The following RIIAD1 variants were observed in gnomAD, a reference collection of about 807,000 sequenced individuals.
RIIAD1 encodes the protein regulatory subunit of type II PKA R-subunit domain containing 1, also known as RIIa domain-containing protein 1.
In RIIAD1, 15 loss-of-function variants were observed where a neutral mutation model predicts 13.3. The observed-to-expected ratio is 1.13, with a 90% CI of 0.76 to 1.74. RIIAD1 has a LOEUF of 1.74. Among genes scored for constraint, RIIAD1 ranks in the 40% most tolerant of loss-of-function variants. The pLI is 0.00. For missense variants in RIIAD1, 121 were observed against 112.2 expected (o/e 1.08, Z -0.35); for synonymous variants, 50 against 43.3 (o/e 1.16, Z -0.61).
intron 4 of RIIAD1, chr1:151,715,909 C>G: frequency 6.2e-7 from 1 of 1,614,106 alleles, no homozygotes; most frequent in Non-Finnish European, 8.5e-7. Flanking sequence ...TCCTTGATGA[C>G]AGTCAGCTCA....
At chr1:151,727,259 C>CAAAT (rs1673847284) in intron 2 of RIIAD1, among the ~76,000 whole-genome samples, 1 of 152,122 alleles carries the variant, frequency 6.6e-6, no homozygotes, top group Admixed American at 6.6e-5. Flanking sequence ...GACGCTGTCT[C>CAAAT]AAATAAATAA....
rs754058008 is a variant in RIIAD1, at chr1:151,715,940, G to A, written c.21+1411G>A. 54 of 1,614,038 alleles carry A rather than the reference G, an allele frequency of 3.3e-5. No individual in the cohort carries two copies. The African/African-American group carries it at 4.1e-4, about 12-fold the overall frequency. ...GCTCAAAGATCCGACCAAACTGTTC[G>A]AAGATGGGCTTCAGGTCCTTCTCCT... is the stretch of plus-strand genomic sequence containing the variant. On this transcript the variant is annotated intron_variant, in intron 4 of 8. Coordinates refer to the RIIAD1 transcript ENST00000326413.
At chr1:151,718,389 C>A (rs1413136238), upstream of RIIAD1, among the ~76,000 whole-genome samples, 1 of 152,210 alleles carries the variant, frequency 6.6e-6, no homozygotes, top group African/African-American at 2.4e-5. Flanking sequence ...GAGACTGGAG[C>A]CTGGGCAGTC....
intron 2 of RIIAD1, among the ~76,000 whole-genome samples, chr1:151,723,147 C>T (rs1263299962): frequency 6.6e-6 from 1 of 152,230 alleles, no homozygotes. Context: ...GTAATCCCAG[C>T]ACTTTGGGAG....
upstream of RIIAD1, among the ~76,000 whole-genome samples, chr1:151,718,107 T>G (rs890860561): frequency 6.6e-6 from 1 of 152,182 alleles, no homozygotes; most frequent in African/African-American, 2.4e-5. Flanking sequence ...GTCTCTAAAC[T>G]GTGTCCCAGC....
intron 2 of RIIAD1, among the ~76,000 whole-genome samples, chr1:151,713,298 G>T (rs1436397309): frequency 6.6e-6 from 1 of 152,208 alleles, no homozygotes; most frequent in Non-Finnish European, 1.5e-5. Context: ...CCAGGATGGA[G>T]CTCTGCCTGA....
At chr1:151,718,457 G>A (rs1462173328), upstream of RIIAD1, among the ~76,000 whole-genome samples, 4 of 152,218 alleles carry the variant, frequency 2.6e-5, no homozygotes, top group East Asian at 1.9e-4. Context: ...GAGAATGGGA[G>A]CAGTGGTGAA....
chr1:151,724,901 G>A (rs1158587804), intron 2 of RIIAD1, among the ~76,000 whole-genome samples: 1 of 151,300 alleles, frequency 6.6e-6, no homozygotes, highest in Admixed American at 6.6e-5. Context: ...CCGTATTCAC[G>A]CCATTCTCCT....
Position 151,727,611 on chromosome 1 carries a change from A to G in RIIAD1, c.198A>G (p.Glu66=). ...TGAAAAGACCAGACAACATCCTAGA[A>G]TTTGCTGCAGGTGAGTAAGGCAGCG... ...IFLKRPDNIL[E]FAADYFTDPR... is the part of the protein sequence containing the mutation. Residue 66 remains glutamate, a synonymous_variant, in exon 3 of 5, where the codon GAA becomes GAG. Coordinates refer to ENST00000479191, the MANE Select transcript of RIIAD1 (RefSeq NM_001144956.3). 6.5e-7 allele frequency: 1 copy of G among 1,549,998 alleles called. No individual in the cohort carries two copies. Among genetic ancestry groups the G allele is most frequent in the Non-Finnish European group, 8.7e-7 (1 of 1,145,536 alleles).
chr1:151,716,810 C>A, upstream of RIIAD1: 1 of 467,044 alleles, frequency 2.1e-6, no homozygotes. Context: ...AACCTCCCCC[C>A]TCCACACCCC....
Position 151,721,727 on chromosome 1 carries a change from G to A in RIIAD1, c.84+107G>A, listed in dbSNP as rs182282746. 19 of 632,256 alleles carry A rather than the reference G, an allele frequency of 3.0e-5. No homozygotes were observed. In the East Asian group the frequency reaches 6.1e-4, roughly 20 times the overall value. The allele number at this position is 632,256 out of a possible 1,614,324, so 39.2% of individuals were successfully genotyped here. On this transcript the variant is annotated intron_variant, in intron 1 of 4. Coordinates refer to ENST00000479191, the MANE Select transcript of RIIAD1 (RefSeq NM_001144956.3). ...GCCGAGAGAAGGGGAGCGGGAGCCT[G>A]TTCCCTGATAAAGTGGGGAGGGCGC...
intron 3 of RIIAD1, chr1:151,728,329 G>A (rs559825258): frequency 5.4e-6 from 1 of 185,242 alleles, no homozygotes; most frequent in African/African-American, 2.4e-5. Context: ...AGAGACAGGA[G>A]CTGGCAAGCG....
At chr1:151,722,333 GA>G (rs2101507095) in intron 2 of RIIAD1, among the ~76,000 whole-genome samples, 171 bp downstream of exon 2, 1 of 152,274 alleles carries the variant, frequency 6.6e-6, no homozygotes, top group African/African-American at 2.4e-5. Flanking sequence ...TTGGCGTTGC[GA>G]AACCCAACAG....
At position 151,716,233 on chromosome 1, in the gene RIIAD1, C is replaced by T. The variant is rs371686597; in HGVS notation, c.21+1704C>T. On this transcript the variant is annotated intron_variant, in intron 4 of 8. Coordinates refer to the RIIAD1 transcript ENST00000326413. ...GCTAGGGGTCAGGGGTCTAGGCAGA[C>T]GCTGTCATGCCACCAGGGGGCATCG... The T allele has an allele frequency of 1.7e-3, 860 of 512,646 alleles. 8 individuals carry two copies. Among genetic ancestry groups the T allele is most frequent in the South Asian group, 0.011 (319 of 29,092 alleles). 31.8% of individuals were successfully genotyped at this position (512,646 alleles called of 1,614,324 possible). A position where few individuals can be genotyped will look rare whatever the true frequency, so the allele number is the denominator to read the frequency against.
intron 2 of RIIAD1, chr1:151,713,358 G>T (rs1054552158): frequency 3.3e-5 from 5 of 152,220 alleles, no homozygotes; most frequent in African/African-American, 1.2e-4. Context: ...ACCTGCAGCT[G>T]GTACACATGA....
intron 2 of RIIAD1, among the ~76,000 whole-genome samples, chr1:151,723,004 C>T (rs1673765366): frequency 6.6e-6 from 1 of 152,246 alleles, no homozygotes; most frequent in Non-Finnish European, 1.5e-5. Flanking sequence ...ATTCAAACCC[C>T]TGGTTTTCCC....
intron 1 of RIIAD1, 103 bp downstream of exon 1, chr1:151,721,723 G>A: frequency 1.5e-6 from 1 of 648,360 alleles, no homozygotes; most frequent in Non-Finnish European, 2.3e-6. Flanking sequence ...GGGAGCGGGA[G>A]CCTGTTCCCT....
chr1:151,719,382 C>T (rs1271376946), upstream of RIIAD1, among the ~76,000 whole-genome samples: 1 of 152,148 alleles, frequency 6.6e-6, no homozygotes, highest in Non-Finnish European at 1.5e-5. Context: ...CAAGCTCACC[C>T]TCTTTTTTAT....
chr1:151,721,529 G>C lies in RIIAD1; in HGVS notation c.-8G>C, dbSNP rs765444178. 4 of 1,310,656 alleles carry C rather than the reference G, an allele frequency of 3.1e-6. No homozygotes were observed. The highest frequency in any genetic ancestry group is 3.9e-6 in the Non-Finnish European group (4 of 1,028,538). 81.2% of individuals were successfully genotyped at this position (1,310,656 alleles called of 1,614,324 possible). A position where few individuals can be genotyped will look rare whatever the true frequency, so the allele number is the denominator to read the frequency against. On this transcript the variant is annotated 5_prime_UTR_variant, in exon 1 of 5. Coordinates refer to ENST00000479191, the MANE Select transcript of RIIAD1 (RefSeq NM_001144956.3). ...CTCGCGGCCGGTCGCCTTGACGACC[G>C]CAGCAAGATGGAGACGCTGCCAGGC...
Sources: allele counts gnomAD v4.1 joint callset (sites outside exome capture counted in the v4.1 genomes callset), GRCh38; gene constraint gnomAD v4.1.1; transcripts MANE v1.5; gene names NCBI Gene and HGNC (gene_info 2026-07-23, HGNC 2026-07-21).